PTK2B: variants seen among roughly 807,000 people sequenced by gnomAD.
The protein encoded by PTK2B is protein tyrosine kinase 2 beta.
Under a neutral mutation model 142.9 loss-of-function variants are expected in PTK2B, and 71 were observed. That is an observed-to-expected ratio of 0.50 (90% CI 0.41 to 0.61). The LOEUF is 0.61. Ranked by LOEUF, PTK2B falls within the 20% of genes least tolerant of loss-of-function variation. The pLI is 0.00. For synonymous variants in PTK2B, 519 were observed against 503.4 expected, an observed-to-expected ratio of 1.03 and a Z score of -0.42; for missense variants, 1,105 against 1,320.4, an observed-to-expected ratio of 0.84 and a Z score of 2.53.
Position 27,450,749 on chromosome 8 carries a change from G to A in PTK2B, c.2341G>A (p.Glu781Lys), listed in dbSNP as rs750415894. Residue 781 changes from glutamate (E) to lysine (K), a missense_variant and splice_region_variant, in exon 25 of 31, where the codon GAG becomes AAG. Physicochemically the swap from Glu to Lys is moderately conservative, Grantham distance 56 (BLOSUM62 1). Coordinates refer to ENST00000346049, the MANE Select transcript of PTK2B (RefSeq NM_173176.3). ...HNVFKRHSMREEDFIQPSSRE... is the reference protein window; with the variant it reads ...HNVFKRHSMRKEDFIQPSSRE... The stretch of plus-strand genomic sequence containing the variant: ...TCCCTTCTCTCTGCCGTCCTCCCAG[G>A]AGGAGGACTTCATCCAACCCAGCAG... The A allele has an allele frequency of 2.5e-6, 4 of 1,613,070 alleles. No individual in the cohort carries two copies. The South Asian group carries it at 3.3e-5, about 13-fold the overall frequency.
chr8:27,383,799 C>T (rs1807173891), intron 1 of PTK2B, among the ~76,000 whole-genome samples: 1 of 151,440 alleles, frequency 6.6e-6, no homozygotes, highest in Admixed American at 6.6e-5. Flanking sequence ...GATCCTCCCA[C>T]CTCAACCTTC....
In PTK2B at chr8:27,414,268, A is replaced by G. The variant is rs1307118488; in HGVS notation, c.205-5627A>G. 2.0e-5 allele frequency among the ~76,000 whole-genome samples: 3 copies of G among 149,752 alleles called. No homozygotes were observed. In the East Asian group the frequency reaches 5.9e-4, roughly 29 times the overall value. ...ACTGCTTCTTCTTTTTTTTTTTGAG[A>G]CAGTCTCACTCTGTTGCCCAGGCTG... On this transcript the variant is annotated intron_variant, in intron 2 of 30. Transcript: ENST00000346049.
At chr8:27,356,660 C>T (rs762134024) in intron 1 of PTK2B, among the ~76,000 whole-genome samples, 11 of 152,224 alleles carry the variant, frequency 7.2e-5, no homozygotes, top group Non-Finnish European at 1.2e-4. Flanking sequence ...AGCGGAAAAA[C>T]GTAAACAATG....
chr8:27,406,108 C>T (rs1373083385), intron 2 of PTK2B, among the ~76,000 whole-genome samples: 4 of 152,188 alleles, frequency 2.6e-5, no homozygotes, highest in African/African-American at 9.6e-5. Flanking sequence ...TCTGGTAGCT[C>T]TAGGCATTCG....
At chr8:27,456,102 C>G (rs1438462724) in intron 30 of PTK2B, among the ~76,000 whole-genome samples, 1 of 152,220 alleles carries the variant, frequency 6.6e-6, no homozygotes, top group East Asian at 1.9e-4. Flanking sequence ...CCTTGGGATG[C>G]CAACCCATTC....
chr8:27,455,697 A>C (rs977261830), intron 30 of PTK2B, among the ~76,000 whole-genome samples: 2 of 152,384 alleles, frequency 1.3e-5, no homozygotes, highest in Admixed American at 1.3e-4. Context: ...GCCTCCAGGG[A>C]GAACAAGCCC....
chr8:27,311,190 T>C (rs1042549505), upstream of PTK2B: 12 of 1,601,040 alleles, frequency 7.5e-6, no homozygotes, highest in Non-Finnish European at 1.0e-5. Flanking sequence ...AACTCCTCCT[T>C]GAAGGAGCGG....
intron 2 of PTK2B, among the ~76,000 whole-genome samples, chr8:27,404,642 C>T (rs972150366): frequency 6.6e-6 from 1 of 152,212 alleles, no homozygotes; most frequent in Non-Finnish European, 1.5e-5. Flanking sequence ...GTCCTCACCA[C>T]CACCCGTGTG....
At chr8:27,408,445 C>T (rs1808857175) in intron 2 of PTK2B, among the ~76,000 whole-genome samples, 1 of 152,212 alleles carries the variant, frequency 6.6e-6, no homozygotes, top group Non-Finnish European at 1.5e-5. Context: ...CCTTCTCCTC[C>T]AATCATATTT....
chr8:27,331,938 G>A (rs535557308), intron 1 of PTK2B, among the ~76,000 whole-genome samples: 95 of 145,174 alleles, frequency 6.5e-4, no homozygotes, highest in Middle Eastern at 3.5e-3. Flanking sequence ...CCCAGTCCCC[G>A]CCCCCAGGTC....
At chr8:27,394,290 TTTACTTAC>T (rs1807906483) in intron 1 of PTK2B, among the ~76,000 whole-genome samples, 1 of 152,160 alleles carries the variant, frequency 6.6e-6, no homozygotes, top group South Asian at 2.1e-4. Context: ...ATTTCTCTGG[TTTACTTAC>T]ACAAACCTAG....
At chr8:27,408,118 C>T (rs1252528039) in intron 2 of PTK2B, among the ~76,000 whole-genome samples, 1 of 152,186 alleles carries the variant, frequency 6.6e-6, no homozygotes, top group Admixed American at 6.5e-5. Context: ...TTCTCCTGCC[C>T]CCTGTCTCTC....
intron 1 of PTK2B, among the ~76,000 whole-genome samples, chr8:27,360,963 G>T (rs1323396686): frequency 6.6e-6 from 1 of 152,148 alleles, no homozygotes; most frequent in African/African-American, 2.4e-5. Flanking sequence ...CATAGGATTT[G>T]TGCTTTTTGT....
intron 20 of PTK2B, 85 bp downstream of exon 20, chr8:27,439,483 G>A (rs1483202654): frequency 7.2e-7 from 1 of 1,397,646 alleles, no homozygotes; most frequent in African/African-American, 1.4e-5. Flanking sequence ...AGGGAGCAGG[G>A]GTCTGACCTC....
At chr8:27,425,893 T>C (rs1810054152) in intron 5 of PTK2B, among the ~76,000 whole-genome samples, 1 of 152,208 alleles carries the variant, frequency 6.6e-6, no homozygotes, top group South Asian at 2.1e-4. Context: ...TATTCATTTA[T>C]TGGAGGTGCT....
intron 22 of PTK2B, among the ~76,000 whole-genome samples, chr8:27,443,564 T>C (rs1811288724): frequency 6.6e-6 from 1 of 152,222 alleles, no homozygotes; most frequent in Non-Finnish European, 1.5e-5. Context: ...AACCACCTTC[T>C]CACTGTGTTT....
rs117985530 is a variant in PTK2B, at chr8:27,391,605, G to C, written c.-37-5943G>C. The stretch of plus-strand genomic sequence containing the variant: ...GCATCTCCCCTGTGCCAGGGGCACA[G>C]TACTAGGTGCAGTTACAACCTGGTG... On this transcript the variant is annotated intron_variant, in intron 1 of 30. Transcript: ENST00000346049. 3.2e-3 allele frequency among the ~76,000 whole-genome samples: 481 copies of C among 152,360 alleles called. 10 individuals carry two copies. In the East Asian group the frequency reaches 0.036, roughly 11 times the overall value.
At chr8:27,382,513 G>A (rs1262373815) in intron 1 of PTK2B, among the ~76,000 whole-genome samples, 1 of 151,838 alleles carries the variant, frequency 6.6e-6, no homozygotes, top group Non-Finnish European at 1.5e-5. Flanking sequence ...TTGAAGCCAG[G>A]AGTTCAAGAT....
At chr8:27,407,887 T>C (rs563017096) in intron 2 of PTK2B, among the ~76,000 whole-genome samples, 1 of 152,330 alleles carries the variant, frequency 6.6e-6, no homozygotes, top group East Asian at 1.9e-4. Context: ...CTTACGTGTC[T>C]GTAACCCACA....
Sources: gnomAD v4.1 joint callset for allele counts (sites outside exome capture counted in the v4.1 genomes callset) on GRCh38, gnomAD v4.1.1 for gene constraint, MANE v1.5 for transcripts, NCBI Gene and HGNC (gene_info 2026-07-23, HGNC 2026-07-21) for gene names.